Variants in LEF1 observed in about 807,000 individuals in gnomAD.
The protein encoded by LEF1 is lymphoid enhancer-binding factor 1.
Under a neutral mutation model 51.2 loss-of-function variants are expected in LEF1, and 14 were observed. The ratio of observed to expected loss-of-function variants is 0.27; its 90% confidence interval spans 0.18 to 0.43. The LOEUF is 0.43. Ranked by LOEUF, LEF1 falls within the 20% of genes least tolerant of loss-of-function variation. The pLI, the probability that LEF1 is intolerant of heterozygous loss-of-function variation, is 1.00. For synonymous variants in LEF1, 185 were observed against 183.2 expected (o/e 1.01, Z -0.08); for missense variants, 386 against 512.0 (o/e 0.75, Z 2.37).
chr4:108,149,475 AAT>A (rs1744221579), intron 3 of LEF1, among the ~76,000 whole-genome samples: 1 of 148,782 alleles, frequency 6.7e-6, no homozygotes, highest in African/African-American at 2.5e-5. Context: ...AAAAAAAAAA[AAT>A]AGATTATAAA....
chr4:108,069,031 G>A (rs1379840944), intron 9 of LEF1, among the ~76,000 whole-genome samples: 1 of 152,126 alleles, frequency 6.6e-6, no homozygotes, highest in East Asian at 1.9e-4. Context: ...TATAATGAGG[G>A]AGAGTCTTTG....
chr4:108,103,201 G>C (rs965529689), intron 3 of LEF1, among the ~76,000 whole-genome samples: 1 of 152,172 alleles, frequency 6.6e-6, no homozygotes, highest in Non-Finnish European at 1.5e-5. Flanking sequence ...TGGAACCTTC[G>C]CCTTCCTCCT....
chr4:108,155,899 C>T (rs1744666958), intron 3 of LEF1, among the ~76,000 whole-genome samples: 1 of 152,076 alleles, frequency 6.6e-6, no homozygotes, highest in African/African-American at 2.4e-5. Flanking sequence ...CACCACATTG[C>T]AAAAGGATAG....
intron 3 of LEF1, among the ~76,000 whole-genome samples, chr4:108,093,245 C>G (rs1472809156): frequency 6.6e-6 from 1 of 152,082 alleles, no homozygotes; most frequent in Non-Finnish European, 1.5e-5. Flanking sequence ...GGAATGAACC[C>G]CCTGGGCTGC....
chr4:108,153,801 T>C (rs1176556650), intron 3 of LEF1, among the ~76,000 whole-genome samples: 1 of 152,166 alleles, frequency 6.6e-6, no homozygotes, highest in African/African-American at 2.4e-5. Flanking sequence ...GTTAAATAAA[T>C]TAGGCAATCT....
At position 108,168,068 on chromosome 4, in the gene LEF1, G is replaced by A. The variant is rs941640187; in HGVS notation, c.-301C>T. ...GGCTGCGGTAGCTGGCGACTCCGGG[G>A]GCGTCTGCGCGGCGCGCGCTAGACG... is the stretch of plus-strand genomic sequence containing the variant. On this transcript the variant is annotated 5_prime_UTR_variant, in exon 1 of 12. Transcript: ENST00000265165. This position sits in a 1 kb window ranked among gnomAD's most constrained non-coding sequence, Gnocchi z 4.6. 6.4e-6 allele frequency: 1 copy of A among 156,104 alleles called. No individual in the cohort carries two copies. The highest frequency in any genetic ancestry group is 2.4e-5 in the African/African-American group (1 of 41,516). The allele number at this position is 156,104 out of a possible 1,614,324, so 9.7% of individuals were successfully genotyped here.
intron 5 of LEF1, 151 bp downstream of exon 5, chr4:108,083,205 A>T: frequency 1.5e-6 from 1 of 647,734 alleles, no homozygotes; most frequent in Non-Finnish European, 2.8e-6. Context: ...TAATCTTTTA[A>T]ATTGAAATGA....
At chr4:108,056,651 T>C (rs903944615) in intron 11 of LEF1, among the ~76,000 whole-genome samples, 1 of 152,180 alleles carries the variant, frequency 6.6e-6, no homozygotes, top group African/African-American at 2.4e-5. Context: ...TGTTAGTCTG[T>C]GACAGGTGTC....
intron 2 of LEF1, 37 bp downstream of exon 2, chr4:108,165,059 AT>A (rs1560836046): frequency 6.3e-7 from 1 of 1,590,822 alleles, no homozygotes; most frequent in East Asian, 2.2e-5. Flanking sequence ...TGCACCCCTT[AT>A]CTGCTAAAGT....
intron 3 of LEF1, among the ~76,000 whole-genome samples, chr4:108,106,677 T>C (rs1197119472): frequency 1.3e-5 from 2 of 152,196 alleles, no homozygotes; most frequent in East Asian, 1.9e-4. Flanking sequence ...GCTCAACTTC[T>C]GGTTCCGAGC....
chr4:108,109,841 G>A (rs901225870), intron 3 of LEF1, among the ~76,000 whole-genome samples: 1 of 152,136 alleles, frequency 6.6e-6, no homozygotes. Flanking sequence ...AGGCTGAGAT[G>A]GGAGGCTCTT....
intron 1 of LEF1, chr4:108,166,852 G>C: frequency 1.0e-6 from 1 of 981,790 alleles, no homozygotes; most frequent in Non-Finnish European, 1.2e-6. Flanking sequence ...GTTGGGGGCG[G>C]TACAGCCAGG....
At position 108,104,168 on chromosome 4, in the gene LEF1, T is replaced by C. The variant is rs545523241; in HGVS notation, c.415-14911A>G. 4.1e-4 allele frequency among the ~76,000 whole-genome samples: 63 copies of C among 152,138 alleles called. 1 individual carries two copies. The South Asian group carries it at 0.013, about 30-fold the overall frequency. On this transcript the variant is annotated intron_variant, in intron 3 of 11. Coordinates refer to ENST00000265165, the MANE Select transcript of LEF1 (RefSeq NM_016269.5). ...AACAGAAAGGCCACATATTATATGA[T>C]ATGTATATGTATATGTATATGAAAT...
At chr4:108,085,474 T>C (rs959556878) in intron 4 of LEF1, among the ~76,000 whole-genome samples, 2 of 152,234 alleles carry the variant, frequency 1.3e-5, no homozygotes, top group Admixed American at 6.5e-5. Flanking sequence ...TGTCCTGAAC[T>C]TTTGTCACTG....
chr4:108,139,529 A>T (rs1282851602), intron 3 of LEF1, among the ~76,000 whole-genome samples: 1 of 152,210 alleles, frequency 6.6e-6, no homozygotes, highest in Non-Finnish European at 1.5e-5. Flanking sequence ...CGGGCTCCAC[A>T]GTGGTTAGGG....
chr4:108,135,438 G>T (rs1361080745), intron 3 of LEF1, among the ~76,000 whole-genome samples: 1 of 152,208 alleles, frequency 6.6e-6, no homozygotes, highest in Non-Finnish European at 1.5e-5. Context: ...ATGACAGCAG[G>T]CTCAAATACA....
At chr4:108,134,534 T>C (rs1052842101) in intron 3 of LEF1, among the ~76,000 whole-genome samples, 1 of 152,204 alleles carries the variant, frequency 6.6e-6, no homozygotes, top group African/African-American at 2.4e-5. Flanking sequence ...AAGAGGAGAC[T>C]GGAGAAGCTG....
At chr4:108,089,031 A>G in intron 4 of LEF1, 94 bp downstream of exon 4, 2 of 1,370,182 alleles carry the variant, frequency 1.5e-6, no homozygotes, top group Non-Finnish European at 1.0e-6. Flanking sequence ...ACCCAGTGAC[A>G]TGGAGCACTG....
At chr4:108,114,171 T>G (rs2110320902) in intron 3 of LEF1, among the ~76,000 whole-genome samples, 1 of 152,296 alleles carries the variant, frequency 6.6e-6, no homozygotes, top group South Asian at 2.1e-4. Flanking sequence ...TATTTAGCAT[T>G]TAGGCAAACA....
Sources: allele counts gnomAD v4.1 joint callset (sites outside exome capture counted in the v4.1 genomes callset), GRCh38; gene constraint gnomAD v4.1.1; non-coding constraint Gnocchi (gnomAD v3.1); transcripts MANE v1.5; gene names NCBI Gene and HGNC (gene_info 2026-07-23, HGNC 2026-07-21).